FSD1L: variants seen among roughly 807,000 people sequenced by gnomAD.
The protein encoded by FSD1L is fibronectin type III and SPRY domain containing 1 like.
FSD1L carries 45 observed loss-of-function variants against 71.6 expected under a neutral mutation model. The observed-to-expected ratio is 0.63, with a 90% CI of 0.49 to 0.81. FSD1L has a LOEUF of 0.81. Among genes scored for constraint, FSD1L ranks in the 30% least tolerant of loss-of-function variants. The pLI is 0.00. For missense variants in FSD1L, 561 were observed against 618.1 expected, an observed-to-expected ratio of 0.91 and a Z score of 0.98; for synonymous variants, 197 against 207.2, an observed-to-expected ratio of 0.95 and a Z score of 0.42.
chr9:105,496,649 G>A (rs1275581405), intron 7 of FSD1L, among the ~76,000 whole-genome samples: 1 of 152,216 alleles, frequency 6.6e-6, no homozygotes, highest in Non-Finnish European at 1.5e-5. Context: ...TTTTGGGGGT[G>A]CTGATGTAAA....
At chr9:105,525,568 A>G in intron 10 of FSD1L, 1 of 1,612,908 alleles carries the variant, frequency 6.2e-7, no homozygotes, top group Admixed American at 1.7e-5. Context: ...TATATTGGGA[A>G]TGAATTCCTG....
At position 105,550,259 on chromosome 9, in the gene FSD1L, T is replaced by G. The variant is rs1837212800; in HGVS notation, c.*3776T>G. On this transcript the variant is annotated 3_prime_UTR_variant, in exon 14 of 14. Transcript: ENST00000481272. ...ATAGTTTGCTAAAAAAAAATCAAAT[T>G]AACTGCATATAAAATGGTTCACTTT... 1 of 152,018 alleles carries G rather than the reference T, an allele frequency of 6.6e-6. No homozygotes were observed. Among genetic ancestry groups the G allele is most frequent in the African/African-American group, 2.4e-5 (1 of 41,440 alleles). The allele number at this position is 152,018 out of a possible 1,614,324, so 9.4% of individuals were successfully genotyped here.
chr9:105,456,681 G>A (rs1325269084), intron 1 of FSD1L, among the ~76,000 whole-genome samples: 1 of 151,994 alleles, frequency 6.6e-6, no homozygotes, highest in Admixed American at 6.6e-5. Context: ...TTTTTTTGTT[G>A]TTGTTATGAG....
Position 105,448,103 on chromosome 9 carries a change from G to A in FSD1L, c.-118G>A. On this transcript the variant is annotated 5_prime_UTR_variant, in exon 1 of 14. It adds an upstream start codon to the 5' untranslated region. Transcript: ENST00000481272. ...GGGCGCGGACGGGTGGGGCCGGGCG[G>A]TGCCGGTGCGGGCTGGGGCAGTGCA... 2.6e-6 allele frequency: 3 copies of A among 1,161,324 alleles called. No individual in the cohort carries two copies. Among genetic ancestry groups the A allele is most frequent in the Non-Finnish European group, 3.7e-6 (3 of 803,870 alleles). 71.9% of individuals were successfully genotyped at this position (1,161,324 alleles called of 1,614,324 possible).
intron 10 of FSD1L, chr9:105,525,359 A>G (rs1835441617): frequency 6.3e-7 from 1 of 1,592,660 alleles, no homozygotes; most frequent in Admixed American, 1.8e-5. Context: ...ATCTCACTTA[A>G]TATTCCTGCT....
chr9:105,544,823 C>A (rs866289890), intron 13 of FSD1L, among the ~76,000 whole-genome samples: 1,666 of 151,964 alleles, frequency 0.011, 34 homozygotes, highest in African/African-American at 0.038. Flanking sequence ...TGTTTTGGTT[C>A]CTGTAGCCTT....
At chr9:105,490,845 G>C (rs12347552) in intron 7 of FSD1L, among the ~76,000 whole-genome samples, 14,293 of 127,526 alleles carry the variant, frequency 0.11, 815 homozygotes, top group East Asian at 0.41. Context: ...TGAGGGCTCT[G>C]TTCTGTTCCA....
intron 7 of FSD1L, among the ~76,000 whole-genome samples, chr9:105,489,716 T>G (rs1832794298): frequency 6.6e-6 from 1 of 152,186 alleles, no homozygotes; most frequent in African/African-American, 2.4e-5. Context: ...CCATGTGTTC[T>G]CATTGTTCAA....
intron 10 of FSD1L, among the ~76,000 whole-genome samples, chr9:105,517,061 G>T (rs1017165853): frequency 6.6e-6 from 1 of 152,132 alleles, no homozygotes; most frequent in African/African-American, 2.4e-5. Flanking sequence ...CAATCAAGTG[G>T]AAGAAAGGAT....
intron 7 of FSD1L, among the ~76,000 whole-genome samples, chr9:105,487,087 T>C (rs1298582793): frequency 6.6e-6 from 1 of 152,154 alleles, no homozygotes; most frequent in Admixed American, 6.5e-5. Context: ...TGTTATATAA[T>C]TTTGCTTTGC....
At chr9:105,448,530 C>G (rs928437708) in intron 1 of FSD1L, among the ~76,000 whole-genome samples, 4 of 152,228 alleles carry the variant, frequency 2.6e-5, no homozygotes, top group Non-Finnish European at 5.9e-5. Flanking sequence ...AGCCACTCTG[C>G]AGCGCTTTAG....
chr9:105,499,440 T>TG (rs1223258078), intron 7 of FSD1L, among the ~76,000 whole-genome samples: 12 of 152,192 alleles, frequency 7.9e-5, no homozygotes, highest in African/African-American at 2.7e-4. Context: ...CATTTCTTCA[T>TG]AGCATGTCTA....
intron 13 of FSD1L, among the ~76,000 whole-genome samples, chr9:105,540,263 T>G (rs1836526106): frequency 6.6e-6 from 1 of 152,170 alleles, no homozygotes; most frequent in South Asian, 2.1e-4. Flanking sequence ...ATTTGTTGAC[T>G]ATTTGGGTAT....
chr9:105,466,796 T>C (rs1252426877), intron 3 of FSD1L, among the ~76,000 whole-genome samples: 1 of 152,174 alleles, frequency 6.6e-6, no homozygotes, highest in Non-Finnish European at 1.5e-5. Flanking sequence ...GCTATAAAGC[T>C]CTTGATCTGT....
chr9:105,495,746 G>T (rs932687678), intron 7 of FSD1L, among the ~76,000 whole-genome samples: 1 of 152,196 alleles, frequency 6.6e-6, no homozygotes, highest in Non-Finnish European at 1.5e-5. Flanking sequence ...GGAGCCCGAG[G>T]CGGGCAGATC....
intron 10 of FSD1L, chr9:105,524,234 T>G (rs1428254526): frequency 1.2e-6 from 2 of 1,612,196 alleles, no homozygotes; most frequent in Non-Finnish European, 1.7e-6. Flanking sequence ...CCTTAAAGTT[T>G]ACTAATAAAA....
chr9:105,484,940 C>T (rs1237512583), intron 7 of FSD1L, among the ~76,000 whole-genome samples: 1 of 152,034 alleles, frequency 6.6e-6, no homozygotes, highest in Admixed American at 6.6e-5. Context: ...ATAATAGTAC[C>T]TGCACATAGT....
At chr9:105,443,666 T>C (rs1829580876), upstream of FSD1L, among the ~76,000 whole-genome samples, 1 of 152,174 alleles carries the variant, frequency 6.6e-6, no homozygotes, top group Admixed American at 6.5e-5. Flanking sequence ...GCATGGTGGC[T>C]CATGCCTATA....
chr9:105,449,740 A>G (rs1373676633), intron 1 of FSD1L, among the ~76,000 whole-genome samples: 1 of 152,150 alleles, frequency 6.6e-6, no homozygotes, highest in Non-Finnish European at 1.5e-5. Flanking sequence ...AATATTGATC[A>G]TCATACTTTA....
Sources: allele counts gnomAD v4.1 joint callset (sites outside exome capture counted in the v4.1 genomes callset), GRCh38; gene constraint gnomAD v4.1.1; transcripts MANE v1.5; gene names NCBI Gene and HGNC (gene_info 2026-07-23, HGNC 2026-07-21).